ADAMTS18: variants seen among roughly 807,000 people sequenced by gnomAD.
The protein encoded by ADAMTS18 is A disintegrin and metalloproteinase with thrombospondin motifs 18.
ADAMTS18 carries 157 observed loss-of-function variants against 165.9 expected under a neutral mutation model. The ratio of observed to expected loss-of-function variants is 0.95; its 90% CI spans 0.83 to 1.08. The LOEUF is 1.08. ADAMTS18 is among the 50% of genes least tolerant of loss of function. ADAMTS18 has a pLI of 0.00. For synonymous variants in ADAMTS18, 782 were observed against 578.2 expected (o/e 1.35, Z -5.06); for missense variants, 2,040 against 1,534.0 (o/e 1.33, Z -5.51).
chr16:77,357,050 ATTAAT>A (rs1258873519), intron 8 of ADAMTS18, among the ~76,000 whole-genome samples: 1 of 147,560 alleles, frequency 6.8e-6, no homozygotes, highest in Non-Finnish European at 1.5e-5. Context: ...GAATTTCATC[ATTAAT>A]TTAAATTGTT....
At chr16:77,337,796 G>C (rs1453930873) in intron 11 of ADAMTS18, among the ~76,000 whole-genome samples, 1 of 151,860 alleles carries the variant, frequency 6.6e-6, no homozygotes, top group East Asian at 1.9e-4. Flanking sequence ...GGAATATAAA[G>C]GAATGTACAC....
intron 20 of ADAMTS18, among the ~76,000 whole-genome samples, chr16:77,292,421 C>A (rs2055381423): frequency 6.6e-6 from 1 of 152,202 alleles, no homozygotes; most frequent in South Asian, 2.1e-4. Context: ...TGTCATCACT[C>A]CTGTGTAGAG....
At position 77,314,787 on chromosome 16, in the gene ADAMTS18, A is replaced by ATATATAT. The variant is rs1567474883; in HGVS notation, c.2532+5061_2532+5062insATATATA. Among the ~76,000 whole-genome samples the ATATATAT allele has an allele frequency of 4.4e-3, 218 of 49,318 alleles. 37 individuals are homozygous for ATATATAT. Among genetic ancestry groups the ATATATAT allele is most frequent in the South Asian group, 0.022 (33 of 1,522 alleles). The allele number at this position is 49,318 out of a possible 152,430, so 32.4% of individuals were successfully genotyped here. A position where few individuals can be genotyped will look rare whatever the true frequency, so the allele number is the denominator to read the frequency against. On this transcript the variant is annotated intron_variant, in intron 16 of 22. Coordinates refer to ENST00000282849, the MANE Select transcript of ADAMTS18 (RefSeq NM_199355.4). ...ATATATATATATATATATATATATA[A>ATATATAT]AATATATGTGATATGCTCAGAAGGC... is the stretch of plus-strand genomic sequence containing the variant.
At chr16:77,410,017 C>A (rs1187564184) in intron 3 of ADAMTS18, among the ~76,000 whole-genome samples, 1 of 151,996 alleles carries the variant, frequency 6.6e-6, no homozygotes, top group East Asian at 1.9e-4. Context: ...CTGTATAGAT[C>A]TATTAAATTT....
intron 16 of ADAMTS18, among the ~76,000 whole-genome samples, chr16:77,300,830 T>C (rs1450540115): frequency 1.3e-5 from 2 of 152,126 alleles, no homozygotes; most frequent in East Asian, 3.9e-4. Context: ...AATCTACATA[T>C]ATATATTTTT....
In ADAMTS18 at chr16:77,429,157, T is replaced by C. The variant is rs146730747; in HGVS notation, c.495+2138A>G. 7.2e-4 allele frequency among the ~76,000 whole-genome samples: 109 copies of C among 152,304 alleles called. 1 individual carries two copies. Among genetic ancestry groups the C allele is most frequent in the Non-Finnish European group, 8.4e-4 (57 of 68,024 alleles). ...ATGTGAATGTTTATTGCTGCACTAT[T>C]CACCATAGCAAGGACATGGAATCAA... On this transcript the variant is annotated intron_variant, in intron 3 of 22. Transcript: ENST00000282849.
At chr16:77,402,563 G>A (rs879399370) in intron 3 of ADAMTS18, among the ~76,000 whole-genome samples, 2 of 152,252 alleles carry the variant, frequency 1.3e-5, no homozygotes, top group East Asian at 1.9e-4. Flanking sequence ...TCAACTCTGC[G>A]AGCAAATTTA....
At chr16:77,375,158 T>C in intron 3 of ADAMTS18, among the ~76,000 whole-genome samples, 1 of 151,934 alleles carries the variant, frequency 6.6e-6, no homozygotes, top group East Asian at 1.9e-4. Context: ...CCAGCAAATA[T>C]CACAAATGGG....
At chr16:77,431,097 A>G (rs1206211375) in intron 3 of ADAMTS18, among the ~76,000 whole-genome samples, 198 bp downstream of exon 3, 5 of 152,258 alleles carry the variant, frequency 3.3e-5, no homozygotes, top group Admixed American at 1.3e-4. Flanking sequence ...ATTGTTCTAA[A>G]TGGTAATTAA....
At chr16:77,357,350 A>G (rs2056646745) in intron 8 of ADAMTS18, among the ~76,000 whole-genome samples, 2 of 152,170 alleles carry the variant, frequency 1.3e-5, no homozygotes, top group Admixed American at 1.3e-4. Flanking sequence ...TTAGGTATTC[A>G]GAGGTGACCA....
intron 16 of ADAMTS18, among the ~76,000 whole-genome samples, chr16:77,301,412 G>C (rs193101640): frequency 8.5e-5 from 13 of 152,318 alleles, no homozygotes; most frequent in Non-Finnish European, 1.5e-5. Flanking sequence ...TGTAGGAAAA[G>C]CATCTGTCTG....
chr16:77,343,134 A>G (rs1437991994), intron 10 of ADAMTS18, among the ~76,000 whole-genome samples: 3 of 147,230 alleles, frequency 2.0e-5, no homozygotes, highest in Non-Finnish European at 4.5e-5. Flanking sequence ...GTGCAATGGC[A>G]CCATCTCGGC....
chr16:77,336,625 C>G (rs572148732), intron 11 of ADAMTS18, among the ~76,000 whole-genome samples: 1 of 152,292 alleles, frequency 6.6e-6, no homozygotes, highest in East Asian at 1.9e-4. Flanking sequence ...CAGGGTCTTT[C>G]ATTTGCCCAT....
chr16:77,415,572 T>C (rs1408889310), intron 3 of ADAMTS18, among the ~76,000 whole-genome samples: 2 of 152,062 alleles, frequency 1.3e-5, no homozygotes, highest in Non-Finnish European at 2.9e-5. Flanking sequence ...CCAACTACTC[T>C]AGGTCAACGA....
intron 16 of ADAMTS18, 26 bp downstream of exon 16, chr16:77,319,823 G>A: frequency 6.2e-7 from 1 of 1,613,844 alleles, no homozygotes; most frequent in Non-Finnish European, 8.5e-7. Flanking sequence ...GAAGCACTGA[G>A]AACTGAATAC....
intron 11 of ADAMTS18, among the ~76,000 whole-genome samples, chr16:77,337,198 T>C (rs1382734188): frequency 6.6e-6 from 1 of 152,210 alleles, no homozygotes; most frequent in Non-Finnish European, 1.5e-5. Flanking sequence ...TGAGAAGTTT[T>C]TGGGGAAGGC....
intron 11 of ADAMTS18, among the ~76,000 whole-genome samples, chr16:77,338,405 T>C (rs1014168654): frequency 6.6e-6 from 1 of 151,876 alleles, no homozygotes; most frequent in Non-Finnish European, 1.5e-5. Flanking sequence ...TCAGGTAATT[T>C]TTTGTATTTT....
At position 77,289,413 on chromosome 16, in the gene ADAMTS18, T is replaced by G; in HGVS notation, c.3403-2A>C. ...CCCTCCCCCACAGGTGACTGTGCAC[T>G]GCAGCAGAGAGAAGAGGAAGGAGTC... is the stretch of plus-strand genomic sequence containing the variant. On this transcript the variant is annotated splice_acceptor_variant, in intron 21 of 22. Coordinates refer to ENST00000282849, the MANE Select transcript of ADAMTS18 (RefSeq NM_199355.4). LOFTEE classifies it high-confidence loss of function. The G allele has an allele frequency of 6.2e-7, 1 of 1,613,980 alleles. No individual in the cohort carries two copies. The highest frequency in any genetic ancestry group is 8.5e-7 in the Non-Finnish European group (1 of 1,179,946).
Position 77,363,889 on chromosome 16 carries a change from T to G in ADAMTS18, c.973-4A>C. 6.2e-7 allele frequency: 1 copy of G among 1,613,822 alleles called. No homozygotes were observed. Among genetic ancestry groups the G allele is most frequent in the African/African-American group, 1.3e-5 (1 of 75,020 alleles). ...CATCTTTAAATAGGCCAGAAACCTG[T>G]TGGAACAATGGAAATCAAACAAAAT... On this transcript the variant is annotated splice_region_variant and splice_polypyrimidine_tract_variant and intron_variant, in intron 5 of 22. Transcript: ENST00000282849.
Sources: gnomAD v4.1 joint callset for allele counts (sites outside exome capture counted in the v4.1 genomes callset) on GRCh38, gnomAD v4.1.1 for gene constraint, MANE v1.5 for transcripts, NCBI Gene and HGNC (gene_info 2026-07-23, HGNC 2026-07-21) for gene names.